The following RARB variants were observed in gnomAD, a reference collection of about 807,000 sequenced individuals.
The protein encoded by RARB is retinoic acid receptor beta.
RARB carries 17 observed loss-of-function variants against 51.9 expected under a neutral mutation model. The ratio of observed to expected loss-of-function variants is 0.33; its 90% confidence interval spans 0.22 to 0.49. RARB has a LOEUF of 0.49. Ranked by LOEUF, RARB falls within the 20% of genes least tolerant of loss-of-function variation. The probability of loss-of-function intolerance (pLI) is 0.99; values close to 1 mark genes in which losing one functional copy is unlikely to be tolerated. For synonymous variants in RARB, 215 were observed against 195.4 expected, an observed-to-expected ratio of 1.10 and a Z score of -0.84; for missense variants, 369 against 550.8, an observed-to-expected ratio of 0.67 and a Z score of 3.30.
chr3:25,588,116 A>G (rs1235110447), intron 5 of RARB, among the ~76,000 whole-genome samples: 1 of 152,262 alleles, frequency 6.6e-6, no homozygotes, highest in Non-Finnish European at 1.5e-5. Context: ...AGATGGTGAC[A>G]ACTGCTATGA....
At chr3:25,322,610 C>A (rs1249725208) in intron 5 of RARB, among the ~76,000 whole-genome samples, 1 of 152,128 alleles carries the variant, frequency 6.6e-6, no homozygotes, top group Non-Finnish European at 1.5e-5. Flanking sequence ...TTGGGACAAT[C>A]TTTTAATTAA....
chr3:25,406,140 G>A (rs1057241095), intron 5 of RARB, among the ~76,000 whole-genome samples: 2 of 152,094 alleles, frequency 1.3e-5, no homozygotes, highest in Admixed American at 6.6e-5. Context: ...AACATGACCA[G>A]GCATCTGTCC....
chr3:24,995,056 T>C (rs1696992897), intron 2 of RARB, among the ~76,000 whole-genome samples: 1 of 152,146 alleles, frequency 6.6e-6, no homozygotes, highest in Non-Finnish European at 1.5e-5. Flanking sequence ...AGGGGTTGCA[T>C]TGAATTTGTA....
rs186930685 is a variant in RARB, at chr3:24,971,752, C to T, written c.-379-88373C>T. Among the ~76,000 whole-genome samples the T allele has an allele frequency of 7.9e-3, 1,207 of 151,986 alleles. 16 individuals carry two copies. Among genetic ancestry groups the T allele is most frequent in the Non-Finnish European group, 9.8e-3 (663 of 67,904 alleles). ...ATTAGCATAACTTGGGCTTGGTATG[C>T]GCTGGCTATTTGGTGTATAAAATAC... On this transcript the variant is annotated intron_variant, in intron 2 of 11. Transcript: ENST00000383772.
intron 2 of RARB, among the ~76,000 whole-genome samples, chr3:24,902,009 A>G (rs1343521201): frequency 6.6e-6 from 1 of 151,276 alleles, no homozygotes; most frequent in Non-Finnish European, 1.5e-5. Flanking sequence ...ATAAATATAT[A>G]TAACATACAT....
At chr3:25,456,344 G>A (rs528913577) in intron 1 of RARB, among the ~76,000 whole-genome samples, 4 of 152,098 alleles carry the variant, frequency 2.6e-5, no homozygotes, top group South Asian at 2.1e-4. Context: ...GACTTTCTTG[G>A]GGGGTGGAGG....
intron 1 of RARB, among the ~76,000 whole-genome samples, chr3:24,839,251 A>T (rs1366373107): frequency 6.6e-6 from 1 of 152,156 alleles, no homozygotes; most frequent in Non-Finnish European, 1.5e-5. Flanking sequence ...ATAAACAAAA[A>T]ATAAGGAAGA....
intron 1 of RARB, among the ~76,000 whole-genome samples, chr3:25,454,251 A>T (rs1463008770): frequency 4.6e-5 from 7 of 152,182 alleles, no homozygotes; most frequent in Non-Finnish European, 1.0e-4. Context: ...TTTCCTTTGA[A>T]TCTCTCCCTA....
chr3:25,065,396 A>G (rs1698641395), intron 3 of RARB, among the ~76,000 whole-genome samples: 1 of 152,156 alleles, frequency 6.6e-6, no homozygotes, highest in South Asian at 2.1e-4. Flanking sequence ...ATATGTTTTG[A>G]TAGAGGATAA....
chr3:25,023,086 T>A (rs1389644690), intron 2 of RARB, among the ~76,000 whole-genome samples: 1 of 152,168 alleles, frequency 6.6e-6, no homozygotes, highest in Non-Finnish European at 1.5e-5. Context: ...GCAGCTACTC[T>A]AATAGCCCAG....
chr3:25,180,234 A>C (rs1444268626), intron 5 of RARB, among the ~76,000 whole-genome samples: 2 of 152,188 alleles, frequency 1.3e-5, no homozygotes, highest in East Asian at 3.9e-4. Context: ...ATAAAGAAGG[A>C]CCAAGAATGG....
intron 2 of RARB, among the ~76,000 whole-genome samples, chr3:24,912,524 A>G (rs1318052219): frequency 6.6e-6 from 1 of 152,178 alleles, no homozygotes; most frequent in African/African-American, 2.4e-5. Flanking sequence ...GGGAGAATAG[A>G]AACCAATGGG....
At chr3:25,427,066 A>T (rs1039330945), upstream of RARB, among the ~76,000 whole-genome samples, 5 of 152,204 alleles carry the variant, frequency 3.3e-5, no homozygotes, top group Non-Finnish European at 7.3e-5. Flanking sequence ...GCGTTTAATT[A>T]TGTGGTGGGA....
chr3:25,381,205 G>A (rs7628541), intron 5 of RARB, among the ~76,000 whole-genome samples: 117,584 of 152,162 alleles, frequency 0.77, 45,867 homozygotes, highest in East Asian at 0.99. Context: ...GCTAACGTCA[G>A]ACAGCCTTGA....
chr3:24,963,483 G>A (rs551035490), intron 2 of RARB, among the ~76,000 whole-genome samples: 22 of 148,128 alleles, frequency 1.5e-4, no homozygotes, highest in African/African-American at 4.3e-4. Flanking sequence ...TCTTACTCTC[G>A]CCTCCCCTGA....
At chr3:24,913,042 G>A (rs1199085391) in intron 2 of RARB, among the ~76,000 whole-genome samples, 6 of 134,826 alleles carry the variant, frequency 4.5e-5, no homozygotes, top group East Asian at 2.3e-4. Context: ...GTGCAGTGGC[G>A]CCTTCTCGGC....
At chr3:25,294,176 T>C (rs375348522) in intron 5 of RARB, among the ~76,000 whole-genome samples, 1 of 152,134 alleles carries the variant, frequency 6.6e-6, no homozygotes, top group South Asian at 2.1e-4. Flanking sequence ...CAAAGAGGAC[T>C]GAGATAAACC....
chr3:25,093,199 A>G (rs938390013), intron 3 of RARB, among the ~76,000 whole-genome samples: 21 of 152,150 alleles, frequency 1.4e-4, no homozygotes, highest in African/African-American at 4.6e-4. Flanking sequence ...TTTTTGTTCA[A>G]TGATCCAGCA....
intron 2 of RARB, among the ~76,000 whole-genome samples, chr3:24,987,496 G>A (rs1696818904): frequency 2.6e-5 from 4 of 152,228 alleles, no homozygotes; most frequent in Admixed American, 2.0e-4. Flanking sequence ...GTTAGAGAAA[G>A]AAAGAGATGG....
Sources: gnomAD v4.1 joint callset for allele counts (sites outside exome capture counted in the v4.1 genomes callset) on GRCh38, gnomAD v4.1.1 for gene constraint, MANE v1.5 for transcripts, NCBI Gene and HGNC (gene_info 2026-07-23, HGNC 2026-07-21) for gene names.